ERLEC1: variants seen among roughly 807,000 people sequenced by gnomAD.
ERLEC1 encodes the protein endoplasmic reticulum lectin 1.
In ERLEC1, 47 loss-of-function variants were observed where a neutral mutation model predicts 68.0. That is an observed-to-expected ratio of 0.69 (90% confidence interval 0.55 to 0.88). The LOEUF (loss-of-function observed/expected upper bound fraction) is 0.88, where lower values mean the gene tolerates loss of function less well. Among genes scored for constraint, ERLEC1 ranks in the 40% least tolerant of loss-of-function variants. The pLI, the probability that ERLEC1 is intolerant of heterozygous loss-of-function variation, is 0.00. For missense variants in ERLEC1, 567 were observed against 583.8 expected (o/e 0.97, Z 0.30); for synonymous variants, 225 against 203.2 (o/e 1.11, Z -0.91).
chr2:53,814,753 T>C (rs1676773427), intron 12 of ERLEC1, 107 bp from the exon 13 acceptor site: 1 of 996,736 alleles, frequency 1.0e-6, no homozygotes, highest in Admixed American at 2.2e-5. Flanking sequence ...TAAAATTATA[T>C]TAAATCATAC....
intron 1 of ERLEC1, among the ~76,000 whole-genome samples, chr2:53,790,188 G>A (rs1675314681): frequency 6.6e-6 from 1 of 151,780 alleles, no homozygotes; most frequent in Non-Finnish European, 1.5e-5. Flanking sequence ...CTGCCTCCCG[G>A]GTTCAAGCGA....
intron 1 of ERLEC1, among the ~76,000 whole-genome samples, chr2:53,789,541 G>A (rs1400799819): frequency 6.6e-6 from 1 of 152,086 alleles, no homozygotes; most frequent in Non-Finnish European, 1.5e-5. Flanking sequence ...GACTACAGGT[G>A]GTCACCATTG....
At chr2:53,803,596 CAAA>C (rs55851874) in intron 8 of ERLEC1, among the ~76,000 whole-genome samples, 6 of 108,778 alleles carry the variant, frequency 5.5e-5, no homozygotes, top group Admixed American at 5.1e-4. Flanking sequence ...CCTGTCTCTA[CAAA>C]AAAAAAAAAA....
chr2:53,815,488 A>G (rs1676828215), intron 13 of ERLEC1, among the ~76,000 whole-genome samples: 1 of 152,198 alleles, frequency 6.6e-6, no homozygotes, highest in African/African-American at 2.4e-5. Context: ...AAGTTTTGAC[A>G]GTTATATACA....
chr2:53,795,874 A>T, intron 2 of ERLEC1, 59 bp from the exon 3 acceptor site: 1 of 1,166,860 alleles, frequency 8.6e-7, no homozygotes, highest in Non-Finnish European at 1.2e-6. Context: ...ATATCCAAAC[A>T]GCAAAGTTGG....
chr2:53,795,800 G>GT (rs1675661623), intron 2 of ERLEC1, 133 bp from the exon 3 acceptor site: 1 of 608,104 alleles, frequency 1.6e-6, no homozygotes, highest in East Asian at 3.1e-5. Context: ...GTAGGGTCTT[G>GT]TTAAACATTT....
chr2:53,812,827 AC>A, intron 10 of ERLEC1, 121 bp from the exon 11 acceptor site: 1 of 939,658 alleles, frequency 1.1e-6, no homozygotes. Flanking sequence ...ACATCATTAC[AC>A]CTAAATATAG....
intron 8 of ERLEC1, among the ~76,000 whole-genome samples, chr2:53,802,704 T>G (rs1177145629): frequency 6.6e-6 from 1 of 152,164 alleles, no homozygotes; most frequent in Non-Finnish European, 1.5e-5. Flanking sequence ...TCATCACCAT[T>G]CCCTTCATCC....
intron 8 of ERLEC1, among the ~76,000 whole-genome samples, chr2:53,807,764 T>G (rs1676369768): frequency 6.6e-6 from 1 of 152,064 alleles, no homozygotes. Context: ...CCCAGCACTT[T>G]GGGAGTCCGA....
chr2:53,787,466 C>A, intron 1 of ERLEC1, 94 bp downstream of exon 1: 1 of 1,436,590 alleles, frequency 7.0e-7, no homozygotes, highest in Non-Finnish European at 9.4e-7. Context: ...CTCCCCAAGA[C>A]CTTCTCTGCA....
intron 1 of ERLEC1, among the ~76,000 whole-genome samples, chr2:53,793,569 T>C (rs763850062): frequency 9.9e-5 from 15 of 152,158 alleles, no homozygotes; most frequent in Non-Finnish European, 1.9e-4. Context: ...TCAGTGATGG[T>C]GTATCTATGA....
chr2:53,800,745 G>A (rs995325921), intron 6 of ERLEC1, among the ~76,000 whole-genome samples: 5 of 151,948 alleles, frequency 3.3e-5, no homozygotes, highest in Admixed American at 6.6e-5. Context: ...GTCTTCTCAG[G>A]TTCTATCCTT....
Position 53,787,103 on chromosome 2 carries a change from C to A in ERLEC1, c.-108C>A. Reference sequence around the variant, plus strand: ...GTGGCGGCGGTTGGGCCGGTGATACCCGGGCGCTTTATAGTCCCGCCGCCT... The same window carrying A: ...GTGGCGGCGGTTGGGCCGGTGATACACGGGCGCTTTATAGTCCCGCCGCCT... On this transcript the variant is annotated 5_prime_UTR_variant, in exon 1 of 14. Transcript: ENST00000185150. 1 of 1,369,236 alleles carries A rather than the reference C, an allele frequency of 7.3e-7. No homozygotes were observed. Among genetic ancestry groups the A allele is most frequent in the Non-Finnish European group, 9.5e-7 (1 of 1,049,188 alleles). 84.8% of individuals were successfully genotyped at this position (1,369,236 alleles called of 1,614,324 possible).
chr2:53,808,722 G>C (rs765760174), intron 9 of ERLEC1, among the ~76,000 whole-genome samples: 11 of 152,154 alleles, frequency 7.2e-5, no homozygotes, highest in Admixed American at 1.3e-4. Flanking sequence ...TTGATTGCTA[G>C]AATGAGCATG....
intron 6 of ERLEC1, 36 bp downstream of exon 6, chr2:53,799,117 CTTATTG>C (rs1281682465): frequency 1.1e-5 from 17 of 1,584,104 alleles, no homozygotes; most frequent in African/African-American, 1.3e-5. Flanking sequence ...CCTCTTAACA[CTTATTG>C]TTAGTGAGGT....
intron 8 of ERLEC1, among the ~76,000 whole-genome samples, chr2:53,804,527 C>T (rs1358375937): frequency 6.6e-6 from 1 of 152,152 alleles, no homozygotes; most frequent in Non-Finnish European, 1.5e-5. Context: ...CTGCTTACCT[C>T]GGCCTTCCAC....
intron 10 of ERLEC1, among the ~76,000 whole-genome samples, chr2:53,809,847 G>A (rs1190315761): frequency 6.6e-6 from 1 of 152,156 alleles, no homozygotes; most frequent in African/African-American, 2.4e-5. Flanking sequence ...CCTGAGGTCA[G>A]GAGTTCGAGA....
In ERLEC1 at chr2:53,787,202, C is replaced by T. The variant is rs1357695919; in HGVS notation, c.-9C>T. 4 of 1,591,030 alleles carry T rather than the reference C, an allele frequency of 2.5e-6. No individual in the cohort carries two copies. In the African/African-American group the frequency reaches 4.0e-5, roughly 16 times the overall value. On this transcript the variant is annotated 5_prime_UTR_variant, in exon 1 of 14. Coordinates refer to ENST00000185150, the MANE Select transcript of ERLEC1 (RefSeq NM_015701.5). ...TTGTGGCGGTGGCTGGAGAAAGCGG[C>T]GGCGGAGGATGGAGGAAGGAGGCGG...
At chr2:53,795,105 G>A (rs1202009989) in intron 2 of ERLEC1, among the ~76,000 whole-genome samples, 1 of 152,270 alleles carries the variant, frequency 6.6e-6, no homozygotes, top group East Asian at 1.9e-4. Context: ...GGTACCCCAT[G>A]CTTTCTCATT....
Sources: gnomAD v4.1 joint callset for allele counts (sites outside exome capture counted in the v4.1 genomes callset) on GRCh38, gnomAD v4.1.1 for gene constraint, MANE v1.5 for transcripts, NCBI Gene and HGNC (gene_info 2026-07-23, HGNC 2026-07-21) for gene names.